Variants in RP1 observed in about 807,000 individuals in gnomAD.
RP1 encodes RP1 axonemal microtubule associated, also known as oxygen-regulated protein 1.
Under a neutral mutation model 14.8 loss-of-function variants are expected in RP1, and 16 were observed. That is an observed-to-expected ratio of 1.08 (90% CI 0.73 to 1.65). The LOEUF is 1.65. Ranked by LOEUF, RP1 falls within the 40% of genes most tolerant of loss-of-function variation. The pLI, the probability that RP1 is intolerant of heterozygous loss-of-function variation, is 0.00. For missense variants in RP1, 2,631 were observed against 2,535.0 expected, an observed-to-expected ratio of 1.04 and a Z score of -0.81; for synonymous variants, 876 against 883.6, an observed-to-expected ratio of 0.99 and a Z score of 0.15.
intron 17 of RP1, among the ~76,000 whole-genome samples, chr8:54,733,014 G>C (rs560939914): frequency 6.6e-6 from 1 of 152,266 alleles, no homozygotes; most frequent in South Asian, 2.1e-4. Context: ...AGGGTTGAGT[G>C]AGAGTGACAT....
chr8:54,614,714 G>A (rs1805674649), upstream of RP1, among the ~76,000 whole-genome samples: 1 of 152,158 alleles, frequency 6.6e-6, no homozygotes. Context: ...TTATATGTAA[G>A]AAATGTTATC....
chr8:54,796,992 T>A (rs1459391732), intron 24 of RP1, among the ~76,000 whole-genome samples: 1 of 152,116 alleles, frequency 6.6e-6, no homozygotes, highest in Admixed American at 6.5e-5. Context: ...TGAAGAGAAA[T>A]GGTGGTTCTG....
intron 19 of RP1, chr8:54,739,036 A>C: frequency 2.0e-6 from 3 of 1,521,860 alleles, no homozygotes; most frequent in Non-Finnish European, 2.6e-6. Context: ...GAGGGTAATC[A>C]TGTCACTTAT....
intron 1 of RP1, among the ~76,000 whole-genome samples, chr8:54,618,810 G>A (rs182654159): frequency 7.2e-5 from 11 of 152,136 alleles, no homozygotes; most frequent in Admixed American, 4.6e-4. Flanking sequence ...ACAAGCACAC[G>A]CCACCATGCC....
chr8:54,673,739 C>T, intron 7 of RP1: 1 of 827,332 alleles, frequency 1.2e-6, no homozygotes, highest in South Asian at 1.7e-5. Flanking sequence ...GAGCCTGTCT[C>T]AAAACAACAA....
chr8:54,643,601 T>C (rs1806492198), intron 3 of RP1, among the ~76,000 whole-genome samples: 1 of 152,220 alleles, frequency 6.6e-6, no homozygotes, highest in African/African-American at 2.4e-5. Flanking sequence ...TCTTGTTTGC[T>C]GGGGCTTCTG....
intron 24 of RP1, among the ~76,000 whole-genome samples, chr8:54,816,293 A>T (rs1811130609): frequency 6.6e-6 from 1 of 152,240 alleles, no homozygotes; most frequent in Admixed American, 6.5e-5. Context: ...GGAACTTTCC[A>T]AAAAGGTCTC....
chr8:54,644,708 G>A (rs549503530), intron 3 of RP1, among the ~76,000 whole-genome samples: 16 of 152,252 alleles, frequency 1.1e-4, no homozygotes, highest in African/African-American at 3.6e-4. Flanking sequence ...AGTTTCCTGG[G>A]ACTGCTATAA....
chr8:54,827,335 T>C (rs1811406470), intron 24 of RP1, among the ~76,000 whole-genome samples: 1 of 151,008 alleles, frequency 6.6e-6, no homozygotes, highest in South Asian at 2.1e-4. Context: ...AGTGTATTTT[T>C]TTTTTTTTTT....
chr8:54,610,817 A>G (rs973426420), intron 1 of RP1, among the ~76,000 whole-genome samples: 3 of 152,176 alleles, frequency 2.0e-5, no homozygotes, highest in African/African-American at 7.2e-5. Context: ...GATTATTACA[A>G]TGCCCTCCTA....
chr8:54,722,415 C>T (rs1035513683), intron 16 of RP1, among the ~76,000 whole-genome samples: 1 of 151,964 alleles, frequency 6.6e-6, no homozygotes, highest in Non-Finnish European at 1.5e-5. Flanking sequence ...GGACTACAGG[C>T]GCCCGCCACC....
At chr8:54,866,674 C>G (rs1368174176) in intron 28 of RP1, among the ~76,000 whole-genome samples, 3 of 152,242 alleles carry the variant, frequency 2.0e-5, no homozygotes, top group East Asian at 1.9e-4. Flanking sequence ...ATTGACCACC[C>G]ACCATATCAA....
intron 27 of RP1, among the ~76,000 whole-genome samples, chr8:54,858,954 G>C (rs1812272523): frequency 6.6e-6 from 1 of 152,010 alleles, no homozygotes; most frequent in Non-Finnish European, 1.5e-5. Context: ...CCATGGCACT[G>C]TAAAGGAGTG....
chr8:54,614,894 T>A (rs141048446), upstream of RP1, among the ~76,000 whole-genome samples: 19 of 152,326 alleles, frequency 1.2e-4, no homozygotes, highest in African/African-American at 4.6e-4. Context: ...GAATTGTTTA[T>A]CAGACATAGA....
intron 12 of RP1, among the ~76,000 whole-genome samples, chr8:54,697,503 C>A (rs1230201747): frequency 6.6e-6 from 1 of 152,076 alleles, no homozygotes; most frequent in South Asian, 2.1e-4. Flanking sequence ...TGCAGTGAGC[C>A]AAGATTGTGC....
At chr8:54,787,826 A>G (rs1810360817) in intron 24 of RP1, among the ~76,000 whole-genome samples, 1 of 152,196 alleles carries the variant, frequency 6.6e-6, no homozygotes, top group Non-Finnish European at 1.5e-5. Context: ...CTTTGTAAAA[A>G]CAATTTATAT....
At chr8:54,754,186 G>T (rs369748344) in intron 19 of RP1, among the ~76,000 whole-genome samples, 1 of 152,252 alleles carries the variant, frequency 6.6e-6, no homozygotes, top group Admixed American at 6.5e-5. Flanking sequence ...GGAAGGTGTA[G>T]GCATTTGGTC....
At chr8:54,703,007 T>C (rs1375592107) in intron 14 of RP1, among the ~76,000 whole-genome samples, 2 of 152,214 alleles carry the variant, frequency 1.3e-5, no homozygotes, top group Admixed American at 1.3e-4. Context: ...TTCTACCACA[T>C]CTGCAGTTAT....
intron 1 of RP1, among the ~76,000 whole-genome samples, chr8:54,586,963 C>T (rs1804943503): frequency 6.6e-6 from 1 of 152,206 alleles, no homozygotes; most frequent in Non-Finnish European, 1.5e-5. Flanking sequence ...AATGCCTTGC[C>T]CTGCTTTGGC....
Sources: gnomAD v4.1 joint callset for allele counts (sites outside exome capture counted in the v4.1 genomes callset) on GRCh38, gnomAD v4.1.1 for gene constraint, MANE v1.5 for transcripts, NCBI Gene and HGNC (gene_info 2026-07-23, HGNC 2026-07-21) for gene names.